The following FSHR variants were observed in gnomAD, a reference collection of about 807,000 sequenced individuals.
FSHR encodes follicle-stimulating hormone receptor.
Under a neutral mutation model 52.1 loss-of-function variants are expected in FSHR, and 46 were observed. The observed-to-expected ratio is 0.88, with a 90% CI of 0.70 to 1.13. The LOEUF is 1.13. FSHR is among the 50% of genes most tolerant of loss of function. FSHR has a pLI of 0.00. For missense variants in FSHR, 964 were observed against 834.6 expected (o/e 1.16, Z -1.91); for synonymous variants, 399 against 309.6 (o/e 1.29, Z -3.03).
chr2:49,009,204 T>G (rs1197136801), intron 4 of FSHR, among the ~76,000 whole-genome samples: 2 of 151,120 alleles, frequency 1.3e-5, no homozygotes, highest in African/African-American at 4.9e-5. Flanking sequence ...GATTTTTGTA[T>G]AAGGTGTAAG....
At chr2:49,028,437 G>A (rs1230751603) in intron 2 of FSHR, among the ~76,000 whole-genome samples, 2 of 152,138 alleles carry the variant, frequency 1.3e-5, no homozygotes, top group Non-Finnish European at 2.9e-5. Context: ...TTGCCCAGTC[G>A]TGTGACCTTG....
At chr2:49,105,014 T>C (rs1381127043) in intron 1 of FSHR, among the ~76,000 whole-genome samples, 1 of 152,034 alleles carries the variant, frequency 6.6e-6, no homozygotes, top group Non-Finnish European at 1.5e-5. Flanking sequence ...CTCTTTTGAG[T>C]TGAGAAATCC....
intron 2 of FSHR, among the ~76,000 whole-genome samples, chr2:49,049,288 C>A (rs1668770368): frequency 6.6e-6 from 1 of 152,032 alleles, no homozygotes. Flanking sequence ...CAAGGAGAGT[C>A]CAAAGGGAAA....
chr2:49,117,865 C>T (rs1422294466), intron 1 of FSHR, among the ~76,000 whole-genome samples: 3 of 152,080 alleles, frequency 2.0e-5, no homozygotes, highest in Non-Finnish European at 2.9e-5. Context: ...CTCGATTTTG[C>T]GTGACAGTGA....
chr2:49,067,173 C>T (rs1274316059), intron 2 of FSHR, among the ~76,000 whole-genome samples: 3 of 152,034 alleles, frequency 2.0e-5, no homozygotes, highest in African/African-American at 2.4e-5. Context: ...ATGCTTTAAT[C>T]GAGGTTATGC....
At chr2:49,108,937 C>T (rs947179530) in intron 1 of FSHR, among the ~76,000 whole-genome samples, 1 of 152,074 alleles carries the variant, frequency 6.6e-6, no homozygotes, top group Non-Finnish European at 1.5e-5. Context: ...ACAGTTAGGA[C>T]CAAAATCCTG....
At chr2:49,003,376 A>T (rs1436724621) in intron 4 of FSHR, among the ~76,000 whole-genome samples, 1 of 152,100 alleles carries the variant, frequency 6.6e-6, no homozygotes, top group Admixed American at 6.6e-5. Context: ...ATGTCAGTGG[A>T]ATCTAGTGGG....
At chr2:49,149,456 A>G (rs1672983212) in intron 1 of FSHR, among the ~76,000 whole-genome samples, 1 of 152,072 alleles carries the variant, frequency 6.6e-6, no homozygotes, top group African/African-American at 2.4e-5. Context: ...CAGACTTTAG[A>G]AGGAATTTAT....
chr2:49,055,531 C>CAAAAAAAAAA (rs75665223), intron 2 of FSHR, among the ~76,000 whole-genome samples: 19 of 51,144 alleles, frequency 3.7e-4, no homozygotes, highest in Non-Finnish European at 4.5e-4. Context: ...CCAGGAAGCT[C>CAAAAAAAAAA]AAAAAAAAAA....
chr2:49,015,786 T>C (rs1667468180), intron 4 of FSHR, among the ~76,000 whole-genome samples: 1 of 152,162 alleles, frequency 6.6e-6, no homozygotes, highest in East Asian at 1.9e-4. Flanking sequence ...ACGTAATTTG[T>C]GGGATGCTGT....
At chr2:49,149,833 A>T (rs1673000822) in intron 1 of FSHR, among the ~76,000 whole-genome samples, 1 of 152,092 alleles carries the variant, frequency 6.6e-6, no homozygotes, top group South Asian at 2.1e-4. Context: ...ATGCTAGTGA[A>T]AAGAGATTGC....
At chr2:48,986,385 T>G (rs1199482178) in intron 6 of FSHR, among the ~76,000 whole-genome samples, 3 of 136,822 alleles carry the variant, frequency 2.2e-5, no homozygotes, top group African/African-American at 8.1e-5. Context: ...TCAGCGCCAT[T>G]TGCCATGCTT....
At chr2:49,085,961 TTG>T (rs1166996784) in intron 1 of FSHR, among the ~76,000 whole-genome samples, 2 of 147,232 alleles carry the variant, frequency 1.4e-5, no homozygotes, top group Admixed American at 1.4e-4. Flanking sequence ...CTGGGGCCTG[TTG>T]TGGGGGGGGG....
chr2:49,039,170 A>G (rs111453531), intron 2 of FSHR, among the ~76,000 whole-genome samples: 34 of 152,240 alleles, frequency 2.2e-4, no homozygotes, highest in African/African-American at 7.9e-4. Flanking sequence ...ATGTTGCTGC[A>G]CTCAGTAGAT....
intron 1 of FSHR, among the ~76,000 whole-genome samples, chr2:49,153,581 G>C (rs748672271): frequency 6.6e-6 from 1 of 152,272 alleles, no homozygotes; most frequent in Non-Finnish European, 1.5e-5. Context: ...GAGTAGGATG[G>C]TGTCTAAATT....
intron 8 of FSHR, among the ~76,000 whole-genome samples, chr2:48,976,304 T>A (rs1674985221): frequency 6.6e-6 from 1 of 152,178 alleles, no homozygotes; most frequent in African/African-American, 2.4e-5. Flanking sequence ...ATTTGTGTAT[T>A]TTGAACCAGC....
chr2:49,080,213 A>T (rs1311845663), intron 1 of FSHR, among the ~76,000 whole-genome samples: 1 of 152,184 alleles, frequency 6.6e-6, no homozygotes, highest in Non-Finnish European at 1.5e-5. Context: ...CATGCTGGTG[A>T]GGCAGTGGAA....
At chr2:48,998,611 A>G (rs1321230228) in intron 4 of FSHR, among the ~76,000 whole-genome samples, 1 of 152,034 alleles carries the variant, frequency 6.6e-6, no homozygotes, top group Admixed American at 6.6e-5. Context: ...TTACAACAGT[A>G]TTTGCATAAA....
intron 2 of FSHR, among the ~76,000 whole-genome samples, chr2:49,029,693 C>A (rs1483117058): frequency 2.0e-5 from 3 of 152,170 alleles, no homozygotes; most frequent in Non-Finnish European, 4.4e-5. Context: ...AAAGGTCGTG[C>A]TGCTTACTAT....
Sources: gnomAD v4.1 joint callset for allele counts (sites outside exome capture counted in the v4.1 genomes callset) on GRCh38, gnomAD v4.1.1 for gene constraint, MANE v1.5 for transcripts, NCBI Gene and HGNC (gene_info 2026-07-23, HGNC 2026-07-21) for gene names.